Variants in PLG observed in about 807,000 individuals in gnomAD.
PLG encodes the protein plasminogen.
PLG carries 41 observed loss-of-function variants against 104.4 expected under a neutral mutation model. That is an observed-to-expected ratio of 0.39 (90% CI 0.31 to 0.51). PLG has a LOEUF of 0.51. Among genes scored for constraint, PLG ranks in the 20% least tolerant of loss-of-function variants. The pLI, the probability that PLG is intolerant of heterozygous loss-of-function variation, is 0.76. For synonymous variants in PLG, 337 were observed against 357.1 expected, an observed-to-expected ratio of 0.94 and a Z score of 0.63; for missense variants, 891 against 1,003.6, an observed-to-expected ratio of 0.89 and a Z score of 1.52.
rs2115173641 is a variant in PLG, at chr6:160,731,299, C to G, written c.1438+67C>G. On this transcript the variant is annotated intron_variant, in intron 11 of 18. Transcript: ENST00000308192. The surrounding 1 kb of genome is among the most constrained non-coding windows in gnomAD (Gnocchi z 5.1). ...GGATGAAAAGCCATGGAAAATCTCA[C>G]TGATGCAGAAACCTTCCATGCTACA... The G allele has an allele frequency of 2.2e-6, 3 of 1,366,944 alleles. No individual in the cohort carries two copies. The highest frequency in any genetic ancestry group is 3.1e-6 in the Non-Finnish European group (3 of 955,980). The allele number at this position is 1,366,944 out of a possible 1,614,324, so 84.7% of individuals were successfully genotyped here.
chr6:160,751,961 A>T lies in PLG; in HGVS notation c.2126-154A>T, dbSNP rs570135220. Among the ~76,000 whole-genome samples, 8 of 152,288 alleles carry T rather than the reference A, an allele frequency of 5.3e-5. No homozygotes were observed. In the East Asian group the frequency reaches 1.5e-3, roughly 29 times the overall value. Reference sequence around the variant, plus strand: ...ACACAGAATCATATATGATGTTTACACTCTGCAGGGTCAGAGACTCCAGCG... The same window carrying T: ...ACACAGAATCATATATGATGTTTACTCTCTGCAGGGTCAGAGACTCCAGCG... On this transcript the variant is annotated intron_variant, in intron 17 of 18. Coordinates refer to ENST00000308192, the MANE Select transcript of PLG (RefSeq NM_000301.5).
Position 160,739,969 on chromosome 6 carries a change from A to G in PLG, c.2018+761A>G, listed in dbSNP as rs1184898522. ...ATGTCACTCATTTAGTGCTGTTTGG[A>G]GCCAGATACTAGTTGAGTCAGCTAA... On this transcript the variant is annotated intron_variant, in intron 16 of 18. Transcript: ENST00000308192. This position sits in a 1 kb window ranked among gnomAD's most constrained non-coding sequence, Gnocchi z 4.4. 6.6e-6 allele frequency among the ~76,000 whole-genome samples: 1 copy of G among 152,178 alleles called. No homozygotes were observed. Among genetic ancestry groups the G allele is most frequent in the Non-Finnish European group, 1.5e-5 (1 of 68,036 alleles).
rs1471059395 is a variant in PLG at position 160,723,514 on chromosome 6, G to A, written c.1256+947G>A. ...AGAACAAGGAGATGGAGCCCAAGCCGACCACAGCAGTCTTGCTGAACTGAG... is the reference window on the plus strand; with the variant it reads ...AGAACAAGGAGATGGAGCCCAAGCCAACCACAGCAGTCTTGCTGAACTGAG... On this transcript the variant is annotated intron_variant, in intron 10 of 18. Coordinates refer to ENST00000308192, the MANE Select transcript of PLG (RefSeq NM_000301.5). This position sits in a 1 kb window ranked among gnomAD's most constrained non-coding sequence, Gnocchi z 4.7. Among the ~76,000 whole-genome samples, 3 of 152,132 alleles carry A rather than the reference G, an allele frequency of 2.0e-5. No homozygotes were observed. Among genetic ancestry groups the A allele is most frequent in the Non-Finnish European group, 2.9e-5 (2 of 68,024 alleles).
intron 2 of PLG, 117 bp from the exon 3 acceptor site, chr6:160,707,583 G>A (rs1458450350): frequency 3.7e-6 from 4 of 1,089,638 alleles, no homozygotes; most frequent in Admixed American, 3.5e-5. Context: ...CAGCAATTCT[G>A]AGCTCTCTGG....
In PLG at chr6:160,738,668, T is replaced by A; in HGVS notation, c.1877+56T>A. 8.7e-7 allele frequency: 1 copy of A among 1,146,796 alleles called. No individual in the cohort carries two copies. Among genetic ancestry groups the A allele is most frequent in the Non-Finnish European group, 1.3e-6 (1 of 753,606 alleles). The allele number at this position is 1,146,796 out of a possible 1,614,324, so 71.0% of individuals were successfully genotyped here. ...TTGTCTTAAATACTTTTTCTGTCCT[T>A]CTTTTCCTCCTTTCCTCCTTTCCTT... On this transcript the variant is annotated intron_variant, in intron 15 of 18. Coordinates refer to ENST00000308192, the MANE Select transcript of PLG (RefSeq NM_000301.5). The surrounding 1 kb of genome is among the most constrained non-coding windows in gnomAD (Gnocchi z 6.8).
rs531377686 is a variant in PLG at position 160,738,950 on chromosome 6, A to G, written c.1878-118A>G. 11 of 1,208,454 alleles carry G rather than the reference A, an allele frequency of 9.1e-6. No homozygotes were observed. The East Asian group carries it at 2.3e-4, about 26-fold the overall frequency. The allele number at this position is 1,208,454 out of a possible 1,614,324, so 74.9% of individuals were successfully genotyped here. On this transcript the variant is annotated intron_variant, in intron 15 of 18. Coordinates refer to ENST00000308192, the MANE Select transcript of PLG (RefSeq NM_000301.5). This position sits in a 1 kb window ranked among gnomAD's most constrained non-coding sequence, Gnocchi z 6.8. Reference sequence around the variant, plus strand: ...TCATGAATTTTGCTTCTTGCCACTCAGAAGTCACTAATTCTGAGTGGCCAA... The same window carrying G: ...TCATGAATTTTGCTTCTTGCCACTCGGAAGTCACTAATTCTGAGTGGCCAA...
In PLG at chr6:160,739,265, T is replaced by C. The variant is rs1387640645; in HGVS notation, c.2018+57T>C. The C allele has an allele frequency of 6.2e-7, 1 of 1,610,404 alleles. No homozygotes were observed. Among genetic ancestry groups the C allele is most frequent in the African/African-American group, 1.3e-5 (1 of 74,816 alleles). On this transcript the variant is annotated intron_variant, in intron 16 of 18. Coordinates refer to ENST00000308192, the MANE Select transcript of PLG (RefSeq NM_000301.5). This position sits in a 1 kb window ranked among gnomAD's most constrained non-coding sequence, Gnocchi z 4.4. The stretch of plus-strand genomic sequence containing the variant: ...CTGGTGAAGATATTTGCTTTATGTC[T>C]GGGTTTTATGGGCCATGGCCACTGC...
Position 160,739,685 on chromosome 6 carries a change from C to T in PLG, c.2018+477C>T, listed in dbSNP as rs1778155220. Among the ~76,000 whole-genome samples, 2 of 150,454 alleles carry T rather than the reference C, an allele frequency of 1.3e-5. No homozygotes were observed. Among genetic ancestry groups the T allele is most frequent in the Admixed American group, 1.3e-4 (2 of 15,120 alleles). On this transcript the variant is annotated intron_variant, in intron 16 of 18. Coordinates refer to ENST00000308192, the MANE Select transcript of PLG (RefSeq NM_000301.5). This position sits in a 1 kb window ranked among gnomAD's most constrained non-coding sequence, Gnocchi z 4.4. ...CTGAGGCAGGAGGGTCACTTGAGTCCCGGAGTTTGAGGCTGCAGTGAGTTA... is the reference window on the plus strand; with the variant it reads ...CTGAGGCAGGAGGGTCACTTGAGTCTCGGAGTTTGAGGCTGCAGTGAGTTA...
intron 9 of PLG, among the ~76,000 whole-genome samples, chr6:160,722,159 G>A (rs992651563): frequency 3.3e-5 from 5 of 152,162 alleles, no homozygotes; most frequent in Admixed American, 1.3e-4. Context: ...GAGCTTGCAT[G>A]TAAGTGCAAT....
rs552318802 is a variant in PLG at position 160,722,348 on chromosome 6, G to T, written c.1097-60G>T. 120 of 1,257,148 alleles carry T rather than the reference G, an allele frequency of 9.5e-5. No individual in the cohort carries two copies. The African/African-American group carries it at 1.5e-3, about 16-fold the overall frequency. 77.9% of individuals were successfully genotyped at this position (1,257,148 alleles called of 1,614,324 possible). Reference sequence around the variant, plus strand: ...TACCGTACTGTTTTTGTCATAAATTGCTTCATGCTTCTTTTTTTTCAGTAA... The same window carrying T: ...TACCGTACTGTTTTTGTCATAAATTTCTTCATGCTTCTTTTTTTTCAGTAA... On this transcript the variant is annotated intron_variant, in intron 9 of 18. Transcript: ENST00000308192.
chr6:160,724,566 A>G lies in PLG; in HGVS notation c.1256+1999A>G, dbSNP rs921436805. Among the ~76,000 whole-genome samples, 2 of 152,168 alleles carry G rather than the reference A, an allele frequency of 1.3e-5. No homozygotes were observed. The highest frequency in any genetic ancestry group is 2.4e-5 in the African/African-American group (1 of 41,454). The stretch of plus-strand genomic sequence containing the variant: ...AAAAATACTTGAAGCAACAAGAAAA[A>G]TCTTATTAGAAGCCAGAAGAAGAAA... On this transcript the variant is annotated intron_variant, in intron 10 of 18. Coordinates refer to ENST00000308192, the MANE Select transcript of PLG (RefSeq NM_000301.5). This position sits in a 1 kb window ranked among gnomAD's most constrained non-coding sequence, Gnocchi z 5.0.
rs1395204274 is a variant in PLG at position 160,753,947 on chromosome 6, A to G, written c.*886A>G. Reference sequence around the variant, plus strand: ...GTTACCAAACAAAAATATCCATTCAAAATACAATTTAACAATGCAACAGTC... The same window carrying G: ...GTTACCAAACAAAAATATCCATTCAGAATACAATTTAACAATGCAACAGTC... On this transcript the variant is annotated 3_prime_UTR_variant, in exon 19 of 19. Coordinates refer to ENST00000308192, the MANE Select transcript of PLG (RefSeq NM_000301.5). The surrounding 1 kb of genome is among the most constrained non-coding windows in gnomAD (Gnocchi z 5.4). Among the ~76,000 whole-genome samples the G allele has an allele frequency of 2.0e-5, 3 of 152,226 alleles. No individual in the cohort carries two copies. Among genetic ancestry groups the G allele is most frequent in the African/African-American group, 7.2e-5 (3 of 41,460 alleles).
At position 160,734,021 on chromosome 6, in the gene PLG, A is replaced by C; in HGVS notation, c.1614A>C (p.Val538=). The change falls in exon 13 of 19, where the codon GTA becomes GTC. Residue 538 remains valine (V), a synonymous_variant. Coordinates refer to ENST00000308192, the MANE Select transcript of PLG (RefSeq NM_000301.5). This position sits in a 1 kb window ranked among gnomAD's most constrained non-coding sequence, Gnocchi z 4.4. ...KNYCRNPDGD[V]GGPWCYTTNP... is the part of the protein sequence containing the mutation. ...ACTGCCGTAACCCTGATGGTGATGT[A>C]GGTGGTCCCTGGTGCTACACGACAA... 5 of 1,609,082 alleles carry C rather than the reference A, an allele frequency of 3.1e-6. No individual in the cohort carries two copies. Among genetic ancestry groups the C allele is most frequent in the Non-Finnish European group, 4.3e-6 (5 of 1,175,580 alleles).
At chr6:160,714,644 AATTTTAT>A in intron 5 of PLG, 143 bp from the exon 6 acceptor site, 1 of 407,426 alleles carries the variant, frequency 2.5e-6, no homozygotes, top group Non-Finnish European at 5.0e-6. Context: ...CCTTATTGCC[AATTTTAT>A]TGCCAAGTGC....
intron 6 of PLG, among the ~76,000 whole-genome samples, chr6:160,715,669 A>G (rs371362383): frequency 2.6e-5 from 4 of 152,324 alleles, no homozygotes; most frequent in Admixed American, 6.5e-5. Context: ...AAGAATGCAG[A>G]AGTGAGGCTG....
chr6:160,708,143 C>T, intron 3 of PLG: 1 of 243,906 alleles, frequency 4.1e-6, no homozygotes, highest in Admixed American at 5.2e-5. Context: ...TTGGTCTTGG[C>T]TTCTTATTCT....
intron 6 of PLG, among the ~76,000 whole-genome samples, chr6:160,715,382 C>T (rs1235496414): frequency 2.0e-5 from 3 of 152,122 alleles, no homozygotes; most frequent in African/African-American, 4.8e-5. Context: ...TATGAGCAGA[C>T]GTCATGGATT....
At chr6:160,717,460 C>A (rs961812887) in intron 7 of PLG, among the ~76,000 whole-genome samples, 4 of 119,276 alleles carry the variant, frequency 3.4e-5, no homozygotes, top group Admixed American at 7.8e-5. Context: ...ATATTAATTT[C>A]TCTTTTTTTT....
chr6:160,733,889 CTCCTTT>C (rs924371300), intron 12 of PLG, 100 bp from the exon 13 acceptor site: 1 of 558,708 alleles, frequency 1.8e-6, no homozygotes, highest in African/African-American at 2.0e-5. Context: ...AAAAGAAACA[CTCCTTT>C]ATGTCTTCTA....
Sources: gnomAD v4.1 joint callset for allele counts (sites outside exome capture counted in the v4.1 genomes callset) on GRCh38, gnomAD v4.1.1 for gene constraint, Gnocchi (gnomAD v3.1) non-coding constraint, MANE v1.5 for transcripts, NCBI Gene and HGNC (gene_info 2026-07-23, HGNC 2026-07-21) for gene names.